HTR1F: variants seen among roughly 807,000 people sequenced by gnomAD.
HTR1F encodes the protein 5-hydroxytryptamine receptor 1F, also known as 5-hydroxytryptamine (serotonin) receptor 1F, G protein-coupled.
A neutral mutation model predicts 24.0 loss-of-function variants in HTR1F; 17 were observed. The observed-to-expected ratio is 0.71, with a 90% CI of 0.48 to 1.06. The LOEUF (loss-of-function observed/expected upper bound fraction) is 1.06, where lower values mean the gene tolerates loss of function less well. Among genes scored for constraint, HTR1F ranks in the 50% least tolerant of loss-of-function variants. The probability of loss-of-function intolerance (pLI) is 0.00; values close to 1 mark genes in which losing one functional copy is unlikely to be tolerated. For synonymous variants in HTR1F, 186 were observed against 156.8 expected (o/e 1.19, Z -1.39); for missense variants, 391 against 427.8 (o/e 0.91, Z 0.76).
chr3:87,975,608 T>C (rs1276892946), intron 2 of HTR1F, among the ~76,000 whole-genome samples: 6 of 152,172 alleles, frequency 3.9e-5, no homozygotes, highest in Non-Finnish European at 8.8e-5. Context: ...CAGCATTAAG[T>C]AAAGCCAATA....
chr3:87,938,151 C>G (rs192516589), intron 2 of HTR1F, among the ~76,000 whole-genome samples: 1 of 152,082 alleles, frequency 6.6e-6, no homozygotes, highest in African/African-American at 2.4e-5. Flanking sequence ...CAACAACAGG[C>G]AAGCAGAGAG....
rs1041760964 is a variant in HTR1F at position 87,991,295 on chromosome 3, C to A, written c.546C>A (p.Thr182=). ...CIIKHDHIVS[T]IYSTFGAFYI... Reference sequence around the variant, plus strand: ...TCAAGCACGACCACATTGTTTCCACCATTTACTCAACATTTGGAGCTTTCT... The same window carrying A: ...TCAAGCACGACCACATTGTTTCCACAATTTACTCAACATTTGGAGCTTTCT... The change falls in exon 3 of 3, where the codon ACC becomes ACA. Residue 182 remains threonine, a synonymous_variant. Transcript: ENST00000319595. 2 of 1,613,778 alleles carry A rather than the reference C, an allele frequency of 1.2e-6. No homozygotes were observed. The highest frequency in any genetic ancestry group is 8.5e-7 in the Non-Finnish European group (1 of 1,179,924).
At chr3:87,809,019 A>G (rs1347971788) in intron 1 of HTR1F, among the ~76,000 whole-genome samples, 1 of 151,756 alleles carries the variant, frequency 6.6e-6, no homozygotes, top group Non-Finnish European at 1.5e-5. Context: ...CTAACATATT[A>G]TTACATTTCC....
At chr3:87,933,711 A>G (rs1704341821) in intron 2 of HTR1F, among the ~76,000 whole-genome samples, 1 of 152,238 alleles carries the variant, frequency 6.6e-6, no homozygotes, top group Admixed American at 6.5e-5. Context: ...AAGAGGATAC[A>G]AAGAAATGGA....
rs1705271298 is a variant in HTR1F, at chr3:87,859,489, C to T, written c.-43+37365C>T. On this transcript the variant is annotated intron_variant, in intron 2 of 2. Transcript: ENST00000319595. ...GTAGCAAATTTTGTAGGAACGATCACACAATGAAAGCATATTAACAAAATT... is the reference window on the plus strand; with the variant it reads ...GTAGCAAATTTTGTAGGAACGATCATACAATGAAAGCATATTAACAAAATT... 3.3e-5 allele frequency among the ~76,000 whole-genome samples: 5 copies of T among 152,162 alleles called. No homozygotes were observed. The South Asian group carries it at 1.0e-3, about 31-fold the overall frequency.
At chr3:87,811,568 A>G (rs1704161333) in intron 1 of HTR1F, among the ~76,000 whole-genome samples, 1 of 152,196 alleles carries the variant, frequency 6.6e-6, no homozygotes, top group Admixed American at 6.5e-5. Flanking sequence ...GTTTTTAAAG[A>G]TTCCAAATGA....
chr3:87,949,849 A>C (rs977954512), intron 2 of HTR1F, among the ~76,000 whole-genome samples: 7 of 152,214 alleles, frequency 4.6e-5, no homozygotes, highest in African/African-American at 7.2e-5. Flanking sequence ...CAGTTTGAAC[A>C]ATGTCTTGGT....
chr3:87,816,146 CT>C (rs1704246077), intron 1 of HTR1F, among the ~76,000 whole-genome samples: 1 of 152,040 alleles, frequency 6.6e-6, no homozygotes, highest in Admixed American at 6.5e-5. Flanking sequence ...AAATATCACT[CT>C]CTTCGGAGTG....
intron 2 of HTR1F, among the ~76,000 whole-genome samples, chr3:87,946,205 A>G (rs1704699485): frequency 6.6e-6 from 1 of 152,208 alleles, no homozygotes; most frequent in Admixed American, 6.5e-5. Context: ...TGCCGGATCC[A>G]GAGGGGTGGA....
chr3:87,934,894 C>T (rs1260596071), intron 2 of HTR1F, among the ~76,000 whole-genome samples: 1 of 152,184 alleles, frequency 6.6e-6, no homozygotes, highest in Non-Finnish European at 1.5e-5. Context: ...GAGACAGAGT[C>T]TCACTTTGTC....
chr3:87,854,257 C>CT (rs1188099400), intron 2 of HTR1F, among the ~76,000 whole-genome samples: 1 of 151,754 alleles, frequency 6.6e-6, no homozygotes, highest in East Asian at 1.9e-4. Context: ...ACTCCTTTCT[C>CT]TTTTTTTATA....
chr3:87,955,429 T>G (rs115249489), intron 2 of HTR1F, among the ~76,000 whole-genome samples: 67 of 151,684 alleles, frequency 4.4e-4, no homozygotes, highest in African/African-American at 1.5e-3. Context: ...GAATGGCACA[T>G]CTTTTTTATC....
chr3:87,910,298 T>C (rs1703750894), intron 2 of HTR1F: 1 of 152,034 alleles, frequency 6.6e-6, no homozygotes, highest in Non-Finnish European at 1.5e-5. Context: ...AAGACACATA[T>C]GGTTAAGACA....
chr3:87,848,232 A>T (rs1342456937), intron 2 of HTR1F, among the ~76,000 whole-genome samples: 1 of 151,832 alleles, frequency 6.6e-6, no homozygotes, highest in African/African-American at 2.4e-5. Flanking sequence ...ATGATAGCTC[A>T]TTGCGGTTTT....
At chr3:87,962,467 G>A (rs867208566) in intron 2 of HTR1F, among the ~76,000 whole-genome samples, 9 of 151,928 alleles carry the variant, frequency 5.9e-5, no homozygotes, top group Non-Finnish European at 1.0e-4. Flanking sequence ...CAACAGAGAC[G>A]ACATGAACTT....
intron 1 of HTR1F, among the ~76,000 whole-genome samples, chr3:87,811,123 T>C (rs933893153): frequency 2.0e-5 from 3 of 152,180 alleles, no homozygotes; most frequent in Admixed American, 2.0e-4. Flanking sequence ...CTTCTTGAGT[T>C]CTCATATAGG....
intron 2 of HTR1F, among the ~76,000 whole-genome samples, chr3:87,983,385 C>T (rs1705594415): frequency 1.3e-5 from 2 of 152,184 alleles, no homozygotes; most frequent in South Asian, 4.1e-4. Flanking sequence ...AGCAGGTCTT[C>T]ACTGATACAG....
chr3:87,843,287 G>A (rs1704849115), intron 2 of HTR1F, among the ~76,000 whole-genome samples: 2 of 151,862 alleles, frequency 1.3e-5, no homozygotes, highest in Non-Finnish European at 1.5e-5. Context: ...AGACAACATT[G>A]ATATGCTTTG....
chr3:87,854,071 A>G (rs758623892), intron 2 of HTR1F, among the ~76,000 whole-genome samples: 1 of 151,834 alleles, frequency 6.6e-6, no homozygotes, highest in Non-Finnish European at 1.5e-5. Context: ...ATATCTTTAC[A>G]TTTATTTCTA....
Sources: allele counts gnomAD v4.1 joint callset (sites outside exome capture counted in the v4.1 genomes callset), GRCh38; gene constraint gnomAD v4.1.1; transcripts MANE v1.5; gene names NCBI Gene and HGNC (gene_info 2026-07-23, HGNC 2026-07-21).